The following ABI1 variants were observed in gnomAD, a reference collection of about 807,000 sequenced individuals.
ABI1 encodes Abelson interactor 1.
A neutral mutation model predicts 54.6 loss-of-function variants in ABI1; 14 were observed. That is an observed-to-expected ratio of 0.26 (90% CI 0.17 to 0.40). The LOEUF is 0.40. Among genes scored for constraint, ABI1 ranks in the 10% least tolerant of loss-of-function variants. The pLI is 1.00. For missense variants in ABI1, 443 were observed against 598.3 expected, an observed-to-expected ratio of 0.74 and a Z score of 2.71; for synonymous variants, 194 against 209.3, an observed-to-expected ratio of 0.93 and a Z score of 0.63.
At chr10:26,769,027 A>T in intron 5 of ABI1, 35 bp from the exon 6 acceptor site, 1 of 1,486,126 alleles carries the variant, frequency 6.7e-7, no homozygotes, top group Non-Finnish European at 9.0e-7. Context: ...AATAATGAAT[A>T]AAAAAGATAA....
intron 7 of ABI1, among the ~76,000 whole-genome samples, chr10:26,763,529 AC>A (rs1334874303): frequency 6.6e-6 from 1 of 151,928 alleles, no homozygotes; most frequent in Admixed American, 6.6e-5. Context: ...CCCCACCTTC[AC>A]CCTGATCCTT....
intron 2 of ABI1, among the ~76,000 whole-genome samples, chr10:26,797,661 C>A (rs1045310747): frequency 2.6e-5 from 4 of 152,064 alleles, no homozygotes; most frequent in Non-Finnish European, 5.9e-5. Context: ...TAGGAAAAAC[C>A]TGATCTGGCT....
At chr10:26,849,267 G>T (rs901042883) in intron 1 of ABI1, among the ~76,000 whole-genome samples, 2 of 151,976 alleles carry the variant, frequency 1.3e-5, no homozygotes, top group South Asian at 4.1e-4. Context: ...CAATGTCACA[G>T]ACGATACTAG....
intron 1 of ABI1, among the ~76,000 whole-genome samples, chr10:26,832,414 C>G (rs2048743703): frequency 6.6e-6 from 1 of 151,782 alleles, no homozygotes; most frequent in South Asian, 2.1e-4. Context: ...AACCCTATCT[C>G]TATTAAAAAA....
chr10:26,848,932 T>C (rs1006614975), intron 1 of ABI1, among the ~76,000 whole-genome samples: 56 of 152,186 alleles, frequency 3.7e-4, no homozygotes, highest in Non-Finnish European at 1.9e-4. Flanking sequence ...TAAGAAACTT[T>C]ACATTTTTTA....
chr10:26,823,994 C>T (rs968781906), intron 1 of ABI1, among the ~76,000 whole-genome samples: 1 of 151,906 alleles, frequency 6.6e-6, no homozygotes, highest in African/African-American at 2.4e-5. Context: ...TCCTAGCTAC[C>T]TACAACTTCA....
chr10:26,776,518 A>C (rs1841422562), intron 3 of ABI1: 2 of 152,092 alleles, frequency 1.3e-5, no homozygotes, highest in Admixed American at 6.6e-5. Flanking sequence ...AAGATCAGCT[A>C]ATTTCCCATG....
intron 2 of ABI1, among the ~76,000 whole-genome samples, chr10:26,822,599 CA>C (rs55769010): frequency 3.4e-5 from 5 of 148,734 alleles, no homozygotes; most frequent in South Asian, 2.1e-4. Flanking sequence ...CATGCCAGAC[CA>C]AAAAAAAAAT....
intron 7 of ABI1, among the ~76,000 whole-genome samples, chr10:26,762,163 T>G (rs1467164566): frequency 6.6e-6 from 1 of 152,130 alleles, no homozygotes; most frequent in Non-Finnish European, 1.5e-5. Context: ...TGCATCACCA[T>G]GCCCGGCTAA....
At chr10:26,749,045 A>G (rs2132375771) in intron 10 of ABI1, among the ~76,000 whole-genome samples, 1 of 152,320 alleles carries the variant, frequency 6.6e-6, no homozygotes, top group East Asian at 1.9e-4. Context: ...TTCAAATACC[A>G]AGTGCCTATC....
intron 7 of ABI1, among the ~76,000 whole-genome samples, chr10:26,760,864 G>C (rs1839030708): frequency 8.6e-6 from 1 of 116,448 alleles, no homozygotes; most frequent in Non-Finnish European, 1.6e-5. Context: ...ATTCCAGCCT[G>C]AGTGACGGAG....
chr10:26,764,631 T>TC (rs1251860293), intron 7 of ABI1, among the ~76,000 whole-genome samples: 13 of 152,326 alleles, frequency 8.5e-5, no homozygotes, highest in Non-Finnish European at 1.5e-4. Flanking sequence ...ATCCATGGGT[T>TC]CCTCATCCCT....
chr10:26,849,384 T>C (rs2050225768), intron 1 of ABI1, among the ~76,000 whole-genome samples: 1 of 152,230 alleles, frequency 6.6e-6, no homozygotes, highest in African/African-American at 2.4e-5. Context: ...GAAAATTTAT[T>C]AATTCTATTA....
At chr10:26,847,410 C>T (rs1451719123) in intron 1 of ABI1, among the ~76,000 whole-genome samples, 2 of 151,994 alleles carry the variant, frequency 1.3e-5, no homozygotes, top group Non-Finnish European at 2.9e-5. Context: ...TCCCCTGACC[C>T]CAGGAGTTCA....
Position 26,751,715 on chromosome 10 carries a change from G to A in ABI1, c.1153C>T (p.Pro385Ser), listed in dbSNP as rs1837657795. The A allele has an allele frequency of 1.9e-6, 3 of 1,613,964 alleles. No individual in the cohort carries two copies. The highest frequency in any genetic ancestry group is 2.5e-6 in the Non-Finnish European group (3 of 1,179,954). The change falls in exon 10 of 11, where the codon CCT becomes TCT. Residue 385 changes from proline (P) to serine (S), a missense_variant. By Grantham distance (74) the Pro-to-Ser change is moderately conservative. This residue lies in a region of ABI1 where 394 missense variants were observed against 484.8 expected (regional missense o/e 0.81). Coordinates refer to ENST00000376140, the MANE Select transcript of ABI1 (RefSeq NM_001012750.3). ...DDIPMFDDSP[P>S]PPPPPPVDYE... ...TCCACTGGTGGTGGTGGTGGGGGAGGTGGAGAGTCATCAAACATGGGAATG... is the reference window on the plus strand; with the variant it reads ...TCCACTGGTGGTGGTGGTGGGGGAGATGGAGAGTCATCAAACATGGGAATG...
At chr10:26,811,803 T>TTG in intron 2 of ABI1, among the ~76,000 whole-genome samples, 1 of 151,108 alleles carries the variant, frequency 6.6e-6, no homozygotes, top group Non-Finnish European at 1.5e-5. Flanking sequence ...TTGTATAAAT[T>TTG]TATGCAAAGA....
intron 7 of ABI1, among the ~76,000 whole-genome samples, chr10:26,762,799 G>A (rs1342548537): frequency 6.6e-6 from 1 of 152,150 alleles, no homozygotes; most frequent in African/African-American, 2.4e-5. Flanking sequence ...CATATTTTGA[G>A]AACTAGTGCT....
In ABI1 at chr10:26,856,367, T is replaced by C. The variant is rs377206160; in HGVS notation, c.117+4380A>G. Among the ~76,000 whole-genome samples, 41 of 129,278 alleles carry C rather than the reference T, an allele frequency of 3.2e-4. No homozygotes were observed. The East Asian group carries it at 7.6e-3, about 24-fold the overall frequency. The allele number at this position is 129,278 out of a possible 152,430, so 84.8% of individuals were successfully genotyped here. A position where few individuals can be genotyped will look rare whatever the true frequency, so the allele number is the denominator to read the frequency against. On this transcript the variant is annotated intron_variant, in intron 1 of 10. Coordinates refer to ENST00000376140, the MANE Select transcript of ABI1 (RefSeq NM_001012750.3). ...GGGTTTGATTCCAGGCCCCACCTCATACAAGCTACTGAACTTTAGGTTGGG... is the reference window on the plus strand; with the variant it reads ...GGGTTTGATTCCAGGCCCCACCTCACACAAGCTACTGAACTTTAGGTTGGG...
At chr10:26,835,137 A>AC (rs1421901946) in intron 1 of ABI1, among the ~76,000 whole-genome samples, 2 of 148,968 alleles carry the variant, frequency 1.3e-5, no homozygotes, top group African/African-American at 5.0e-5. Flanking sequence ...ATATCATCTC[A>AC]CCCCCAGTTA....
Sources: allele counts gnomAD v4.1 joint callset (sites outside exome capture counted in the v4.1 genomes callset), GRCh38; gene constraint gnomAD v4.1.1; regional missense constraint gnomAD v4.1.1; transcripts MANE v1.5; gene names NCBI Gene and HGNC (gene_info 2026-07-23, HGNC 2026-07-21).